PCDHA6: variants seen among roughly 807,000 people sequenced by gnomAD.
The protein encoded by PCDHA6 is protocadherin alpha 6.
In PCDHA6, 55 loss-of-function variants were observed where a neutral mutation model predicts 60.3. The ratio of observed to expected loss-of-function variants is 0.91; its 90% CI spans 0.73 to 1.14. PCDHA6 has a LOEUF of 1.14. Among genes scored for constraint, PCDHA6 ranks in the 50% most tolerant of loss-of-function variants. The pLI is 0.00. For synonymous variants in PCDHA6, 652 were observed against 557.9 expected (o/e 1.17, Z -2.38); for missense variants, 1,327 against 1,256.5 (o/e 1.06, Z -0.85).
At chr5:140,858,437 G>A (rs1343643925) in intron 1 of PCDHA6, 1 of 1,541,834 alleles carries the variant, frequency 6.5e-7, no homozygotes, top group Non-Finnish European at 8.8e-7. Flanking sequence ...CTCTAGGAAG[G>A]TGGGTTATTA....
intron 1 of PCDHA6, chr5:140,843,148 T>C (rs2150353872): frequency 6.3e-7 from 1 of 1,596,056 alleles, no homozygotes; most frequent in South Asian, 1.1e-5. Flanking sequence ...GGCTTTCGTA[T>C]GAGCTGCAGC....
intron 1 of PCDHA6, among the ~76,000 whole-genome samples, chr5:140,879,240 C>T (rs1266442175): frequency 6.6e-6 from 1 of 152,134 alleles, no homozygotes; most frequent in Non-Finnish European, 1.5e-5. Flanking sequence ...ACAAGAGGCA[C>T]TGGCAAAGTA....
Position 140,849,938 on chromosome 5 carries a change from C to A in PCDHA6, c.2394+19453C>A. The A allele has an allele frequency of 2.5e-6, 4 of 1,598,014 alleles. 1 individual carries two copies. Among genetic ancestry groups the A allele is most frequent in the Non-Finnish European group, 3.4e-6 (4 of 1,167,752 alleles). On this transcript the variant is annotated intron_variant, in intron 1 of 3. Transcript: ENST00000529310. ...ACATCTTCACGGTGTCTGCGCGGGACGCTGACGCGCAGGAGAACGCCCTGG... is the reference window on the plus strand; with the variant it reads ...ACATCTTCACGGTGTCTGCGCGGGAAGCTGACGCGCAGGAGAACGCCCTGG...
At chr5:140,836,549 G>C (rs2150263747) in intron 1 of PCDHA6, 1 of 1,613,770 alleles carries the variant, frequency 6.2e-7, no homozygotes, top group East Asian at 2.2e-5. Flanking sequence ...CGGCGTTGCG[G>C]TGCTCAGCGC....
At chr5:140,884,603 T>A in intron 1 of PCDHA6, 4 of 1,614,132 alleles carry the variant, frequency 2.5e-6, no homozygotes, top group Non-Finnish European at 3.4e-6. Flanking sequence ...CCTTCCTCCT[T>A]GTCTGGGTTC....
chr5:140,944,099 C>G (rs1585153302), intron 1 of PCDHA6, among the ~76,000 whole-genome samples: 1 of 152,264 alleles, frequency 6.6e-6, no homozygotes, highest in East Asian at 1.9e-4. Context: ...AAGTTTATAT[C>G]TCATGGGAAA....
chr5:140,870,623 T>C, intron 1 of PCDHA6: 1 of 1,613,108 alleles, frequency 6.2e-7, no homozygotes. Context: ...TCGAGCTACG[T>C]GTCGGTGCAC....
chr5:140,842,130 A>C (rs2150330073), intron 1 of PCDHA6: 1 of 1,613,892 alleles, frequency 6.2e-7, no homozygotes, highest in Non-Finnish European at 8.5e-7. Flanking sequence ...TCTGATCCGG[A>C]TGAAGGAGCC....
chr5:140,933,704 T>C (rs1436562602), intron 1 of PCDHA6, among the ~76,000 whole-genome samples: 1 of 152,084 alleles, frequency 6.6e-6, no homozygotes, highest in African/African-American at 2.4e-5. Flanking sequence ...CGGACACATT[T>C]ACTGAGATTG....
Position 140,961,691 on chromosome 5 carries a change from T to A in PCDHA6, c.2395-17258T>A, listed in dbSNP as rs963909259. On this transcript the variant is annotated intron_variant, in intron 1 of 3. Transcript: ENST00000529310. Reference sequence around the variant, plus strand: ...GTTTTTAATTAAGCCGGAGTAGTCCTTAGTATGAATGCCTTCATTTCTAAG... The same window carrying A: ...GTTTTTAATTAAGCCGGAGTAGTCCATAGTATGAATGCCTTCATTTCTAAG... Among the ~76,000 whole-genome samples the A allele has an allele frequency of 2.0e-5, 3 of 152,340 alleles. No individual in the cohort carries two copies. In the East Asian group the frequency reaches 5.8e-4, roughly 29 times the overall value.
chr5:140,977,630 C>T (rs2096769145), intron 1 of PCDHA6, among the ~76,000 whole-genome samples: 1 of 152,148 alleles, frequency 6.6e-6, no homozygotes, highest in African/African-American at 2.4e-5. Flanking sequence ...AGAGTTGTAA[C>T]TTTTTCTGGG....
rs2150162477 is a variant in PCDHA6, at chr5:140,829,090, T to C, written c.999T>C (p.His333=). The change falls in exon 1 of 4, where the codon CAT becomes CAC. Residue 333 remains histidine, a synonymous_variant. Transcript: ENST00000529310. ...AAGGCCATCCTCCCATGGCGGGTCA[T>C]TGCACCGTTTTAGTGAGAATTTTGG... is the stretch of plus-strand genomic sequence containing the variant. ...TDKGHPPMAG[H]CTVLVRILDK... The C allele has an allele frequency of 2.5e-6, 4 of 1,611,416 alleles. No homozygotes were observed. In the South Asian group the frequency reaches 4.4e-5, roughly 18 times the overall value.
intron 2 of PCDHA6, among the ~76,000 whole-genome samples, chr5:140,981,831 G>A (rs2096952818): frequency 6.6e-6 from 1 of 152,006 alleles, no homozygotes; most frequent in African/African-American, 2.4e-5. Flanking sequence ...TGCCTCTAAA[G>A]GTCTCCCAGT....
Position 140,978,929 on chromosome 5 carries a change from C to T in PCDHA6, c.2395-20C>T. 6.2e-7 allele frequency: 1 copy of T among 1,613,998 alleles called. No homozygotes were observed. Among genetic ancestry groups the T allele is most frequent in the Non-Finnish European group, 8.5e-7 (1 of 1,179,996 alleles). On this transcript the variant is annotated intron_variant, in intron 1 of 3. Coordinates refer to ENST00000529310, the MANE Select transcript of PCDHA6 (RefSeq NM_018909.4). ...ATTGTCTTGTCATTTTAACAGAAAACTCTCTTTGTGATTTTGCAGCCACGA... is the reference window on the plus strand; with the variant it reads ...ATTGTCTTGTCATTTTAACAGAAAATTCTCTTTGTGATTTTGCAGCCACGA...
At position 140,828,981 on chromosome 5, in the gene PCDHA6, G is replaced by C. The variant is rs2150161571; in HGVS notation, c.890G>C (p.Arg297Pro). Residue 297 changes from arginine (R) to proline (P), a missense_variant, in exon 1 of 4, where the codon CGA (arginine) becomes CCA (proline). Coordinates refer to ENST00000529310, the MANE Select transcript of PCDHA6 (RefSeq NM_018909.4). ...GTTATTGACCACTTTAGCATAGATC[G>C]AAATACGGGAGAAATAGTGATTCGG... is the stretch of plus-strand genomic sequence containing the variant. ...AMVIDHFSID[R>P]NTGEIVIRGN... The C allele has an allele frequency of 6.2e-7, 1 of 1,614,120 alleles. No homozygotes were observed. The highest frequency in any genetic ancestry group is 1.7e-5 in the Admixed American group (1 of 60,030).
chr5:140,982,797 G>A (rs2097006142), intron 3 of PCDHA6, among the ~76,000 whole-genome samples: 1 of 151,640 alleles, frequency 6.6e-6, no homozygotes, highest in Admixed American at 6.6e-5. Context: ...ATGTGTGCAT[G>A]TGTGTGTGTG....
chr5:140,862,161 C>G (rs1463036699), intron 1 of PCDHA6: 1 of 163,458 alleles, frequency 6.1e-6, no homozygotes, highest in African/African-American at 2.4e-5. Context: ...ATGAAAGATT[C>G]AAATACAGGC....
intron 1 of PCDHA6, chr5:140,847,692 T>C (rs1011959129): frequency 1.3e-5 from 2 of 149,872 alleles, no homozygotes; most frequent in Non-Finnish European, 3.0e-5. Context: ...ACAACACATT[T>C]CTGGAAACAG....
intron 1 of PCDHA6, among the ~76,000 whole-genome samples, chr5:140,885,515 A>G (rs537252415): frequency 6.6e-6 from 1 of 152,294 alleles, no homozygotes; most frequent in South Asian, 2.1e-4. Context: ...ATGCTGTGCT[A>G]TCATTTCATA....
Sources: gnomAD v4.1 joint callset for allele counts (sites outside exome capture counted in the v4.1 genomes callset) on GRCh38, gnomAD v4.1.1 for gene constraint, MANE v1.5 for transcripts, NCBI Gene and HGNC (gene_info 2026-07-23, HGNC 2026-07-21) for gene names.